Variants in TUSC3 observed in about 807,000 individuals in gnomAD.
TUSC3 encodes dolichyl-diphosphooligosaccharide--protein glycosyltransferase subunit TUSC3.
Under a neutral mutation model 44.8 loss-of-function variants are expected in TUSC3, and 45 were observed. The observed-to-expected ratio is 1.00, with a 90% CI of 0.79 to 1.29. The LOEUF (loss-of-function observed/expected upper bound fraction) is 1.29, where lower values mean the gene tolerates loss of function less well. Among genes scored for constraint, TUSC3 ranks in the 50% most tolerant of loss-of-function variants. The pLI is 0.00. For missense variants in TUSC3, 519 were observed against 437.9 expected (o/e 1.19, Z -1.65); for synonymous variants, 212 against 152.9 (o/e 1.39, Z -2.85).
At chr8:15,802,067 G>C in the TUSC3 span, among the ~76,000 whole-genome samples, 109 of 152,266 alleles carry the variant, frequency 7.2e-4, no homozygotes, top group Non-Finnish European at 5.9e-4. Flanking sequence ...GGAAGCTGCC[G>C]TGCTGTTACA....
At chr8:15,572,982 A>G (rs1424109672) in intron 1 of TUSC3, among the ~76,000 whole-genome samples, 20 of 152,052 alleles carry the variant, frequency 1.3e-4, no homozygotes. Flanking sequence ...AGTTACCAGA[A>G]TGTGACATAG....
At chr8:15,525,195 C>T (rs571684940) in intron 2 of TUSC3, among the ~76,000 whole-genome samples, 211 of 152,308 alleles carry the variant, frequency 1.4e-3, no homozygotes, top group Non-Finnish European at 2.6e-3. Flanking sequence ...TTGGCCACTT[C>T]TTGATCTCTA....
the TUSC3 span, among the ~76,000 whole-genome samples, chr8:15,816,485 T>C: frequency 6.6e-6 from 1 of 152,174 alleles, no homozygotes; most frequent in East Asian, 1.9e-4. Context: ...ACAAGAAAGA[T>C]ATTTGAAGCA....
intron 9 of TUSC3, among the ~76,000 whole-genome samples, chr8:15,750,128 C>T (rs973575989): frequency 8.6e-5 from 13 of 151,214 alleles, no homozygotes; most frequent in African/African-American, 1.7e-4. Context: ...TACGGGTGCC[C>T]GCCACCATGC....
intron 1 of TUSC3, among the ~76,000 whole-genome samples, chr8:15,479,970 A>G (rs1177430230): frequency 6.6e-6 from 1 of 152,214 alleles, no homozygotes; most frequent in African/African-American, 2.4e-5. Context: ...ATACAAAATC[A>G]GTGCCCAGAA....
chr8:15,667,954 T>C (rs936412921), intron 5 of TUSC3, among the ~76,000 whole-genome samples: 1 of 151,670 alleles, frequency 6.6e-6, no homozygotes, highest in East Asian at 1.9e-4. Flanking sequence ...TAAAGGAGGA[T>C]GCCTTGAGCC....
intron 1 of TUSC3, among the ~76,000 whole-genome samples, chr8:15,567,063 T>G (rs1802705360): frequency 6.6e-6 from 1 of 152,174 alleles, no homozygotes; most frequent in Non-Finnish European, 1.5e-5. Flanking sequence ...TAGTCATGGC[T>G]CTTTTAACTT....
chr8:15,579,099 T>G (rs1488469548), intron 1 of TUSC3, among the ~76,000 whole-genome samples: 3 of 152,060 alleles, frequency 2.0e-5, no homozygotes, highest in Admixed American at 2.0e-4. Flanking sequence ...CTAGTTTATT[T>G]GCGTAGAGGT....
intron 1 of TUSC3, among the ~76,000 whole-genome samples, chr8:15,564,418 C>A (rs1049266731): frequency 6.6e-6 from 1 of 152,152 alleles, no homozygotes; most frequent in African/African-American, 2.4e-5. Flanking sequence ...GTGGAATCCA[C>A]TGTCTACCGT....
At chr8:15,720,201 T>TATATACACACACACACACAC (rs369753796) in intron 6 of TUSC3, among the ~76,000 whole-genome samples, 2 of 141,708 alleles carry the variant, frequency 1.4e-5, no homozygotes, top group South Asian at 2.4e-4. Context: ...TATATATATA[T>TATATACACACACACACACAC]ACACACACAC....
At chr8:15,777,221 A>C in the TUSC3 span, among the ~76,000 whole-genome samples, 2 of 152,164 alleles carry the variant, frequency 1.3e-5, no homozygotes, top group African/African-American at 4.8e-5. Flanking sequence ...TAACATTTCA[A>C]ACAAAGCATA....
intron 2 of TUSC3, among the ~76,000 whole-genome samples, chr8:15,635,191 A>G (rs1806011509): frequency 6.6e-6 from 1 of 152,310 alleles, no homozygotes; most frequent in Non-Finnish European, 1.5e-5. Context: ...ATTTTTCAAA[A>G]TAGATCTGAA....
intron 1 of TUSC3, among the ~76,000 whole-genome samples, chr8:15,464,938 C>T (rs1371648883): frequency 6.6e-6 from 1 of 152,134 alleles, no homozygotes; most frequent in Non-Finnish European, 1.5e-5. Flanking sequence ...CAACCTCTTC[C>T]TCCCAGGTTC....
chr8:15,683,842 A>C (rs919565086), intron 6 of TUSC3, among the ~76,000 whole-genome samples: 1 of 151,902 alleles, frequency 6.6e-6, no homozygotes, highest in South Asian at 2.1e-4. Context: ...AGGTTTGACT[A>C]TGGTATATGG....
Position 15,766,440 on chromosome 8 carries a change from A to C in TUSC3, c.*2284A>C, listed in dbSNP as rs1453232453. On this transcript the variant is annotated 3_prime_UTR_variant, in exon 11 of 11. Coordinates refer to ENST00000503731, the MANE Select transcript of TUSC3 (RefSeq NM_006765.4). ...GTTATATCCTCCAGTGTCACTTTTT[A>C]ACCAGATTCACTGTGCGTTCCAAAC... is the stretch of plus-strand genomic sequence containing the variant. 1.3e-5 allele frequency: 2 copies of C among 152,134 alleles called. No homozygotes were observed. Among genetic ancestry groups the C allele is most frequent in the African/African-American group, 4.8e-5 (2 of 41,432 alleles). The allele number at this position is 152,134 out of a possible 1,614,324, so 9.4% of individuals were successfully genotyped here.
chr8:15,772,249 A>C, the TUSC3 span, among the ~76,000 whole-genome samples: 1 of 152,162 alleles, frequency 6.6e-6, no homozygotes, highest in East Asian at 1.9e-4. Flanking sequence ...AAAGTCAATG[A>C]AACCGAAAGT....
chr8:15,683,357 T>C (rs1808499951), intron 6 of TUSC3, among the ~76,000 whole-genome samples: 1 of 152,160 alleles, frequency 6.6e-6, no homozygotes, highest in Admixed American at 6.5e-5. Context: ...ATTTTTTCTT[T>C]ATTTTTATCT....
chr8:15,661,295 G>C (rs1042050951), intron 4 of TUSC3, among the ~76,000 whole-genome samples: 1 of 151,948 alleles, frequency 6.6e-6, no homozygotes, highest in Non-Finnish European at 1.5e-5. Context: ...ACAAGATTTG[G>C]TCTAGAGTTA....
intron 1 of TUSC3, among the ~76,000 whole-genome samples, chr8:15,593,501 T>A (rs1322942667): frequency 6.6e-6 from 1 of 152,230 alleles, no homozygotes; most frequent in East Asian, 1.9e-4. Context: ...AAGTGAGCCA[T>A]TAATAATTAT....
Sources: allele counts gnomAD v4.1 joint callset (sites outside exome capture counted in the v4.1 genomes callset), GRCh38; gene constraint gnomAD v4.1.1; transcripts MANE v1.5; gene names NCBI Gene and HGNC (gene_info 2026-07-23, HGNC 2026-07-21).